MYO1D: variants seen among roughly 807,000 people sequenced by gnomAD.
MYO1D encodes unconventional myosin-Id.
A neutral mutation model predicts 122.0 loss-of-function variants in MYO1D; 83 were observed. The observed-to-expected ratio is 0.68, with a 90% CI of 0.57 to 0.82. The LOEUF is 0.82. MYO1D is among the 40% of genes least tolerant of loss of function. The pLI, the probability that MYO1D is intolerant of heterozygous loss-of-function variation, is 0.00. For missense variants in MYO1D, 1,157 were observed against 1,269.5 expected (o/e 0.91, Z 1.35); for synonymous variants, 464 against 446.9 (o/e 1.04, Z -0.48).
intron 6 of MYO1D, among the ~76,000 whole-genome samples, chr17:32,770,541 T>C (rs2090102807): frequency 6.6e-6 from 1 of 151,962 alleles, no homozygotes; most frequent in South Asian, 2.1e-4. Context: ...AATTACTAGA[T>C]GAACTAGAAA....
intron 21 of MYO1D, among the ~76,000 whole-genome samples, chr17:32,534,797 A>T (rs80330823): frequency 0.034 from 5,145 of 152,182 alleles, 177 homozygotes; most frequent in African/African-American, 0.092. Flanking sequence ...TACACCCCGT[A>T]GATGTGAGAC....
chr17:32,587,723 A>C (rs1033580993), intron 21 of MYO1D, among the ~76,000 whole-genome samples: 7 of 152,086 alleles, frequency 4.6e-5, no homozygotes, highest in African/African-American at 1.7e-4. Context: ...CCTTCAGCCT[A>C]CCCCTTCTTG....
At chr17:32,810,156 G>A (rs1043418381) in intron 1 of MYO1D, among the ~76,000 whole-genome samples, 8 of 152,138 alleles carry the variant, frequency 5.3e-5, no homozygotes, top group African/African-American at 1.9e-4. Flanking sequence ...GCCAGAGCCA[G>A]GAACCAATGT....
chr17:32,552,642 T>C (rs1228768910), intron 21 of MYO1D, among the ~76,000 whole-genome samples: 1 of 152,220 alleles, frequency 6.6e-6, no homozygotes, highest in Non-Finnish European at 1.5e-5. Flanking sequence ...GGTACTGTGC[T>C]GGGTACTAGA....
chr17:32,617,714 T>C (rs2087792492), intron 20 of MYO1D, among the ~76,000 whole-genome samples: 1 of 152,242 alleles, frequency 6.6e-6, no homozygotes, highest in South Asian at 2.1e-4. Context: ...GTGCTGGGAT[T>C]ACAGGCATGA....
chr17:32,552,411 T>C (rs941648582), intron 21 of MYO1D, among the ~76,000 whole-genome samples: 1 of 145,402 alleles, frequency 6.9e-6, no homozygotes, highest in African/African-American at 2.5e-5. Context: ...AATCCATCCA[T>C]CCATCCACCC....
intron 21 of MYO1D, among the ~76,000 whole-genome samples, chr17:32,588,966 A>G (rs1403477955): frequency 1.1e-5 from 1 of 94,300 alleles, no homozygotes; most frequent in Non-Finnish European, 2.4e-5. Context: ...ACAAACAAAT[A>G]AAACAAAAAA....
intron 1 of MYO1D, among the ~76,000 whole-genome samples, chr17:32,805,950 T>A (rs2090506802): frequency 6.6e-6 from 1 of 152,136 alleles, no homozygotes; most frequent in Non-Finnish European, 1.5e-5. Flanking sequence ...GAGGTAAAAG[T>A]TCATGATTAT....
intron 1 of MYO1D, among the ~76,000 whole-genome samples, chr17:32,824,862 T>C (rs560061921): frequency 6.6e-6 from 1 of 152,324 alleles, no homozygotes; most frequent in East Asian, 1.9e-4. Flanking sequence ...CCTCTTATAG[T>C]AGCTGGCTGT....
At chr17:32,789,290 C>T (rs1230250774) in intron 1 of MYO1D, among the ~76,000 whole-genome samples, 7 of 152,100 alleles carry the variant, frequency 4.6e-5, no homozygotes, top group Non-Finnish European at 7.4e-5. Flanking sequence ...CTGGCCAGGA[C>T]TTCTAGTACT....
intron 16 of MYO1D, among the ~76,000 whole-genome samples, chr17:32,661,999 C>T (rs2088572529): frequency 6.6e-6 from 1 of 152,066 alleles, no homozygotes; most frequent in Non-Finnish European, 1.5e-5. Flanking sequence ...TTAAAATTTG[C>T]TTTATTTACT....
Position 32,526,605 on chromosome 17 carries a change from CTTT to C in MYO1D, c.2865-31693_2865-31691del, listed in dbSNP as rs35471319. 1.4e-3 allele frequency among the ~76,000 whole-genome samples: 202 copies of C among 145,616 alleles called. 1 individual carries two copies. Among genetic ancestry groups the C allele is most frequent in the South Asian group, 8.5e-3 (39 of 4,566 alleles). ...TGGTACTTCCTCTTCATAAAGCCTT[CTTT>C]TTTTTTTTTTTGTGGGCTGGTAAGT... On this transcript the variant is annotated intron_variant, in intron 21 of 21. Transcript: ENST00000318217.
chr17:32,836,411 T>C lies in MYO1D; in HGVS notation c.95+40367A>G, dbSNP rs147939528. On this transcript the variant is annotated intron_variant, in intron 1 of 21. Coordinates refer to ENST00000318217, the MANE Select transcript of MYO1D (RefSeq NM_015194.3). Reference sequence around the variant, plus strand: ...GACACATGGATAGTCCTAACCCCCTTAGAGATCAATACATAGAATATTTCC... The same window carrying C: ...GACACATGGATAGTCCTAACCCCCTCAGAGATCAATACATAGAATATTTCC... Among the ~76,000 whole-genome samples, 249 of 152,306 alleles carry C rather than the reference T, an allele frequency of 1.6e-3. 2 individuals are homozygous for C. Among genetic ancestry groups the C allele is most frequent in the African/African-American group, 5.8e-3 (241 of 41,562 alleles).
At chr17:32,569,938 G>C (rs923471051) in intron 21 of MYO1D, among the ~76,000 whole-genome samples, 1 of 152,184 alleles carries the variant, frequency 6.6e-6, no homozygotes, top group African/African-American at 2.4e-5. Context: ...CTGAGAACTA[G>C]AAGAAACCAC....
chr17:32,721,122 C>A lies in MYO1D; in HGVS notation c.1814G>T (p.Arg605Leu). The A allele has an allele frequency of 6.2e-7, 1 of 1,614,082 alleles. No homozygotes were observed. Among genetic ancestry groups the A allele is most frequent in the Non-Finnish European group, 8.5e-7 (1 of 1,179,990 alleles). Residue 605 changes from arginine (R) to leucine (L), a missense_variant, in exon 15 of 22, where the codon CGC (arginine) becomes CTC (leucine). Coordinates refer to ENST00000318217, the MANE Select transcript of MYO1D (RefSeq NM_015194.3). ...KKSPQIFDDE[R>L]CRHQVEYLGL... ...AAGATATTCTACTTGGTGCCGGCAG[C>A]GTTCATCATCAAATATCTGTGGAGA...
At chr17:32,827,578 TTAC>T (rs1354998182) in intron 1 of MYO1D, among the ~76,000 whole-genome samples, 3 of 152,212 alleles carry the variant, frequency 2.0e-5, no homozygotes, top group Non-Finnish European at 4.4e-5. Context: ...TACATATATT[TTAC>T]TACAATAAAA....
At chr17:32,649,290 A>C (rs2088350227) in intron 19 of MYO1D, among the ~76,000 whole-genome samples, 1 of 152,136 alleles carries the variant, frequency 6.6e-6, no homozygotes. Context: ...CATCACCACT[A>C]TCTTTCTCCA....
intron 21 of MYO1D, among the ~76,000 whole-genome samples, chr17:32,565,092 C>T (rs1001741581): frequency 2.0e-5 from 3 of 152,218 alleles, no homozygotes; most frequent in African/African-American, 7.2e-5. Flanking sequence ...CAACCTCTGC[C>T]TCCCAGGTTC....
chr17:32,847,328 C>T (rs2090947503), intron 1 of MYO1D, among the ~76,000 whole-genome samples: 2 of 152,148 alleles, frequency 1.3e-5, no homozygotes, highest in African/African-American at 4.8e-5. Flanking sequence ...CATATATATG[C>T]TGCTTTGTTC....
Sources: gnomAD v4.1 joint callset for allele counts (sites outside exome capture counted in the v4.1 genomes callset) on GRCh38, gnomAD v4.1.1 for gene constraint, MANE v1.5 for transcripts, NCBI Gene and HGNC (gene_info 2026-07-23, HGNC 2026-07-21) for gene names.